Variants in PARD3 observed in about 807,000 individuals in gnomAD.
PARD3 encodes the protein par-3 family cell polarity regulator.
A neutral mutation model predicts 155.4 loss-of-function variants in PARD3; 75 were observed. The ratio of observed to expected loss-of-function variants is 0.48; its 90% CI spans 0.40 to 0.58. The LOEUF is 0.58. PARD3 is among the 20% of genes least tolerant of loss of function. The pLI, the probability that PARD3 is intolerant of heterozygous loss-of-function variation, is 0.00. For missense variants in PARD3, 1,642 were observed against 1,721.7 expected, an observed-to-expected ratio of 0.95 and a Z score of 0.82; for synonymous variants, 576 against 610.5, an observed-to-expected ratio of 0.94 and a Z score of 0.83.
intron 5 of PARD3, among the ~76,000 whole-genome samples, chr10:34,445,937 G>A (rs534824798): frequency 2.0e-5 from 3 of 152,214 alleles, no homozygotes; most frequent in South Asian, 2.1e-4. Context: ...AGCTCCCACC[G>A]CAGCCCCAGT....
At chr10:34,245,887 C>T (rs925282621) in intron 22 of PARD3, among the ~76,000 whole-genome samples, 3 of 152,136 alleles carry the variant, frequency 2.0e-5, no homozygotes, top group Non-Finnish European at 4.4e-5. Context: ...TGCCACAGAG[C>T]GGCACTACTA....
chr10:34,312,759 GACA>G lies in PARD3; in HGVS notation c.3065+4345_3065+4347del, dbSNP rs570049011. On this transcript the variant is annotated intron_variant, in intron 20 of 24. Coordinates refer to ENST00000374788, the MANE Select transcript of PARD3 (RefSeq NM_001184785.2). ...GATAGGTTCTCAGCTATCACATATGGACAACAGCTAGAAATAAATCTGAGACAT... is the reference window on the plus strand; with the variant it reads ...GATAGGTTCTCAGCTATCACATATGGACAGCTAGAAATAAATCTGAGACAT... Among the ~76,000 whole-genome samples the G allele has an allele frequency of 9.9e-5, 15 of 152,182 alleles. No individual in the cohort carries two copies. In the East Asian group the frequency reaches 2.9e-3, roughly 29 times the overall value.
intron 2 of PARD3, among the ~76,000 whole-genome samples, chr10:34,520,702 G>A (rs1414146849): frequency 6.6e-6 from 1 of 152,154 alleles, no homozygotes; most frequent in Non-Finnish European, 1.5e-5. Context: ...ACAAATGACT[G>A]TGACTACATT....
intron 5 of PARD3, among the ~76,000 whole-genome samples, chr10:34,408,266 AGT>A (rs1409645322): frequency 2.0e-5 from 3 of 152,120 alleles, no homozygotes; most frequent in African/African-American, 7.2e-5. Context: ...TTTTCTGTCA[AGT>A]GTTTTTAAAA....
chr10:34,526,386 C>T (rs1017628198), intron 2 of PARD3, among the ~76,000 whole-genome samples: 1 of 152,156 alleles, frequency 6.6e-6, no homozygotes, highest in Non-Finnish European at 1.5e-5. Flanking sequence ...GTAATAGTCC[C>T]AGGGCATGAA....
chr10:34,735,772 A>G (rs781152881), intron 1 of PARD3, among the ~76,000 whole-genome samples: 10 of 152,238 alleles, frequency 6.6e-5, no homozygotes, highest in Non-Finnish European at 1.5e-4. Context: ...TAAGTGGCGG[A>G]TATCAGTACA....
chr10:34,787,658 T>C (rs1841138502), intron 1 of PARD3, among the ~76,000 whole-genome samples: 1 of 152,046 alleles, frequency 6.6e-6, no homozygotes, highest in East Asian at 1.9e-4. Flanking sequence ...AAATTACATG[T>C]GTATGTCTTG....
chr10:34,157,889 C>T (rs548370941), intron 22 of PARD3, among the ~76,000 whole-genome samples: 1 of 152,246 alleles, frequency 6.6e-6, no homozygotes, highest in Non-Finnish European at 1.5e-5. Flanking sequence ...AATTCTAACC[C>T]AGGATTTTTC....
chr10:34,125,739 G>A (rs1228326241), intron 23 of PARD3, among the ~76,000 whole-genome samples: 1 of 152,232 alleles, frequency 6.6e-6, no homozygotes, highest in Non-Finnish European at 1.5e-5. Flanking sequence ...AAGCAAGCTT[G>A]AGGGAGAAGA....
At chr10:34,544,476 A>T (rs970952729) in intron 2 of PARD3, among the ~76,000 whole-genome samples, 2 of 151,986 alleles carry the variant, frequency 1.3e-5, no homozygotes. Context: ...GGGGGTTTAA[A>T]AAGAAAGGGT....
chr10:34,282,040 G>A (rs1177413018), intron 21 of PARD3, among the ~76,000 whole-genome samples: 3 of 151,058 alleles, frequency 2.0e-5, no homozygotes, highest in East Asian at 3.9e-4. Context: ...AAAGAACACT[G>A]CCAATACCAC....
chr10:34,450,607 T>C (rs1029849623), intron 4 of PARD3, among the ~76,000 whole-genome samples, 159 bp from the exon 5 acceptor site: 1 of 152,100 alleles, frequency 6.6e-6, no homozygotes, highest in African/African-American at 2.4e-5. Flanking sequence ...TCCACCCAGA[T>C]TAGACCTCGG....
intron 17 of PARD3, among the ~76,000 whole-genome samples, chr10:34,336,853 T>G (rs543490262): frequency 6.6e-6 from 1 of 152,144 alleles, no homozygotes; most frequent in East Asian, 1.9e-4. Context: ...CATCATGAAG[T>G]AACCAAATTC....
intron 3 of PARD3, among the ~76,000 whole-genome samples, chr10:34,481,196 T>TTTTATTTA (rs141668425): frequency 2.7e-5 from 4 of 150,644 alleles, no homozygotes; most frequent in Non-Finnish European, 4.4e-5. Flanking sequence ...CCAACAGTTG[T>TTTTATTTA]TTTATTTATT....
chr10:34,427,378 A>C (rs1167324929), intron 5 of PARD3, among the ~76,000 whole-genome samples: 2 of 152,214 alleles, frequency 1.3e-5, no homozygotes, highest in Non-Finnish European at 2.9e-5. Flanking sequence ...ATGCAGACGT[A>C]GGTAGGGATG....
rs546436250 is a variant in PARD3, at chr10:34,423,034, T to C, written c.715-21117A>G. 4.6e-5 allele frequency among the ~76,000 whole-genome samples: 7 copies of C among 152,312 alleles called. No homozygotes were observed. The South Asian group carries it at 1.4e-3, about 32-fold the overall frequency. On this transcript the variant is annotated intron_variant, in intron 5 of 24. Coordinates refer to ENST00000374788, the MANE Select transcript of PARD3 (RefSeq NM_001184785.2). ...AGCGAAGACATGGAATCAACCTATCTTGTTGTTTATCAACAGTGTTTATCA... is the reference window on the plus strand; with the variant it reads ...AGCGAAGACATGGAATCAACCTATCCTGTTGTTTATCAACAGTGTTTATCA...
chr10:34,301,136 A>G (rs1489387973), intron 20 of PARD3, among the ~76,000 whole-genome samples: 1 of 152,192 alleles, frequency 6.6e-6, no homozygotes, highest in Non-Finnish European at 1.5e-5. Context: ...TTCTTAAAAC[A>G]GGGATATGCG....
At chr10:34,390,941 G>C (rs1167877103) in intron 7 of PARD3, among the ~76,000 whole-genome samples, 1 of 151,984 alleles carries the variant, frequency 6.6e-6, no homozygotes, top group African/African-American at 2.4e-5. Context: ...AAATATACAG[G>C]AACAAAATTA....
intron 21 of PARD3, among the ~76,000 whole-genome samples, chr10:34,282,458 T>G (rs1052646793): frequency 6.6e-6 from 1 of 152,184 alleles, no homozygotes; most frequent in African/African-American, 2.4e-5. Flanking sequence ...GAAACCATTA[T>G]GTAAAAATCA....
Sources: allele counts gnomAD v4.1 joint callset (sites outside exome capture counted in the v4.1 genomes callset), GRCh38; gene constraint gnomAD v4.1.1; transcripts MANE v1.5; gene names NCBI Gene and HGNC (gene_info 2026-07-23, HGNC 2026-07-21).